HMGA2: variants seen among roughly 807,000 people sequenced by gnomAD.
HMGA2 encodes high mobility group protein HMGI-C.
A neutral mutation model predicts 19.1 loss-of-function variants in HMGA2; 8 were observed. That is an observed-to-expected ratio of 0.42 (90% CI 0.25 to 0.76). The LOEUF (loss-of-function observed/expected upper bound fraction) is 0.76, where lower values mean the gene tolerates loss of function less well. Among genes scored for constraint, HMGA2 ranks in the 30% least tolerant of loss-of-function variants. The probability of loss-of-function intolerance (pLI) is 0.28; values close to 1 mark genes in which losing one functional copy is unlikely to be tolerated. For synonymous variants in HMGA2, 60 were observed against 48.8 expected (o/e 1.23, Z -0.96); for missense variants, 109 against 136.3 (o/e 0.80, Z 1.00).
At chr12:65,960,072 G>T (rs1383538280) in intron 4 of HMGA2, among the ~76,000 whole-genome samples, 5 of 152,086 alleles carry the variant, frequency 3.3e-5, no homozygotes, top group African/African-American at 1.2e-4. Flanking sequence ...TGTATTTTTA[G>T]TAGAGATGGG....
chr12:65,874,287 T>A (rs1872860520), intron 3 of HMGA2: 1 of 151,400 alleles, frequency 6.6e-6, no homozygotes, highest in Admixed American at 6.6e-5. Flanking sequence ...AATAGATATA[T>A]GTAATACACA....
chr12:65,873,020 C>A (rs1053545423), intron 3 of HMGA2, among the ~76,000 whole-genome samples: 5 of 152,134 alleles, frequency 3.3e-5, no homozygotes, highest in African/African-American at 1.2e-4. Flanking sequence ...CCATTTGGAC[C>A]AATCTCAACA....
intron 3 of HMGA2, chr12:65,867,065 G>T: frequency 9.9e-6 from 4 of 403,032 alleles, no homozygotes; most frequent in South Asian, 7.4e-5. Flanking sequence ...AGTGTGTGAG[G>T]AAAGAAATGG....
chr12:65,832,912 A>G lies in HMGA2; in HGVS notation c.198+4825A>G, dbSNP rs536130580. Among the ~76,000 whole-genome samples the G allele has an allele frequency of 5.9e-5, 9 of 152,092 alleles. No individual in the cohort carries two copies. In the East Asian group the frequency reaches 9.7e-4, roughly 16 times the overall value. The stretch of plus-strand genomic sequence containing the variant: ...TTTTTATGATTACAAAGAAGTAGAG[A>G]GAAGATTTGGAGGAGAAGAATCTTA... On this transcript the variant is annotated intron_variant, in intron 2 of 4. Coordinates refer to ENST00000403681, the MANE Select transcript of HMGA2 (RefSeq NM_003483.6).
chr12:65,845,584 A>T lies in HMGA2; in HGVS notation c.249+7015A>T, dbSNP rs1021581563. Among the ~76,000 whole-genome samples the T allele has an allele frequency of 8.8e-5, 13 of 148,368 alleles. No individual in the cohort carries two copies. In the South Asian group the frequency reaches 1.1e-3, roughly 12 times the overall value. On this transcript the variant is annotated intron_variant, in intron 3 of 4. Transcript: ENST00000403681. ...ACTCACGGCCTTTAAGATTTTTTTT[A>T]AAAATCAAGGAATTCCTGATTCTAA...
chr12:65,848,832 C>T (rs191390721), intron 3 of HMGA2, among the ~76,000 whole-genome samples: 1 of 151,758 alleles, frequency 6.6e-6, no homozygotes, highest in African/African-American at 2.4e-5. Flanking sequence ...GTCCGCAGTC[C>T]GACCTGGGCG....
intron 2 of HMGA2, among the ~76,000 whole-genome samples, chr12:65,829,487 A>G (rs1044851634): frequency 1.3e-5 from 2 of 151,964 alleles, no homozygotes; most frequent in South Asian, 2.1e-4. Flanking sequence ...GAGTTTTTCT[A>G]TGTTGTGTAA....
chr12:65,898,376 G>T (rs1004884863), intron 3 of HMGA2, among the ~76,000 whole-genome samples: 1 of 152,014 alleles, frequency 6.6e-6, no homozygotes. Flanking sequence ...TAAACTCAGG[G>T]TTCAGATCTT....
chr12:65,895,456 C>T (rs961451249), intron 3 of HMGA2, among the ~76,000 whole-genome samples: 9 of 152,110 alleles, frequency 5.9e-5, no homozygotes, highest in Admixed American at 5.9e-4. Flanking sequence ...GGTTCTGATT[C>T]ATTCTCTATT....
intron 4 of HMGA2, chr12:65,956,618 G>A (rs1592467822): frequency 6.6e-6 from 1 of 152,202 alleles, no homozygotes; most frequent in South Asian, 2.1e-4. Context: ...TCTAACAGAA[G>A]TGAAAGAACA....
At chr12:65,850,653 A>G (rs141188105) in intron 3 of HMGA2, among the ~76,000 whole-genome samples, 1 of 152,302 alleles carries the variant, frequency 6.6e-6, no homozygotes, top group East Asian at 1.9e-4. Flanking sequence ...TTTTATATCC[A>G]TAAGGCAAAC....
intron 3 of HMGA2, among the ~76,000 whole-genome samples, chr12:65,935,471 C>G (rs1875858521): frequency 6.6e-6 from 1 of 151,994 alleles, no homozygotes; most frequent in Non-Finnish European, 1.5e-5. Context: ...CTCGTTATAG[C>G]CTAACTACAC....
rs1876835700 is a variant in HMGA2, at chr12:65,964,155, C to G, written c.*863C>G. 1 of 204,050 alleles carries G rather than the reference C, an allele frequency of 4.9e-6. No homozygotes were observed. The highest frequency in any genetic ancestry group is 1.0e-5 in the Non-Finnish European group (1 of 99,982). 12.6% of individuals were successfully genotyped at this position (204,050 alleles called of 1,614,324 possible). On this transcript the variant is annotated 3_prime_UTR_variant, in exon 5 of 5. Transcript: ENST00000403681. ...CCTCAGAGCATTTAAGGAAACTAGA[C>G]AAGTAAAATTATCCTCTTTGTAATT...
intron 3 of HMGA2, among the ~76,000 whole-genome samples, chr12:65,875,587 C>CTCTTTTTTT (rs1872953046): frequency 2.9e-5 from 1 of 34,062 alleles, no homozygotes; most frequent in Non-Finnish European, 1.0e-4. Context: ...CCGTGCCCGG[C>CTCTTTTTTT]TATTTTTTTT....
chr12:65,883,281 C>G (rs374412877), intron 3 of HMGA2, among the ~76,000 whole-genome samples: 1 of 152,180 alleles, frequency 6.6e-6, no homozygotes, highest in East Asian at 1.9e-4. Context: ...ATAAGGAACT[C>G]GGTTTATAGC....
At chr12:65,887,002 T>G (rs1873685886) in intron 3 of HMGA2, among the ~76,000 whole-genome samples, 1 of 152,188 alleles carries the variant, frequency 6.6e-6, no homozygotes, top group Non-Finnish European at 1.5e-5. Flanking sequence ...ACTGAGCTAA[T>G]TTAGAAAGAA....
chr12:65,866,281 C>T (rs756730041), intron 3 of HMGA2, among the ~76,000 whole-genome samples: 26 of 152,148 alleles, frequency 1.7e-4, no homozygotes, highest in East Asian at 9.7e-4. Context: ...TTATAAATGA[C>T]GGCGTAGTTA....
chr12:65,939,097 C>G (rs932519148), intron 3 of HMGA2, among the ~76,000 whole-genome samples: 1 of 151,958 alleles, frequency 6.6e-6, no homozygotes, highest in Non-Finnish European at 1.5e-5. Flanking sequence ...AGTTGGAAAC[C>G]TTTTTTGAAT....
chr12:65,903,315 A>G (rs1163245873), intron 3 of HMGA2, among the ~76,000 whole-genome samples: 1 of 152,252 alleles, frequency 6.6e-6, no homozygotes, highest in East Asian at 1.9e-4. Flanking sequence ...AGTTAAATGT[A>G]TATATGGCCA....
Sources: gnomAD v4.1 joint callset for allele counts (sites outside exome capture counted in the v4.1 genomes callset) on GRCh38, gnomAD v4.1.1 for gene constraint, MANE v1.5 for transcripts, NCBI Gene and HGNC (gene_info 2026-07-23, HGNC 2026-07-21) for gene names.